The following TRAPPC8 variants were observed in gnomAD, a reference collection of about 807,000 sequenced individuals.
The protein encoded by TRAPPC8 is general sporulation gene 1 homolog.
TRAPPC8 carries 54 observed loss-of-function variants against 174.3 expected under a neutral mutation model. The observed-to-expected ratio is 0.31, with a 90% CI of 0.25 to 0.39. The LOEUF is 0.39. TRAPPC8 is among the 10% of genes least tolerant of loss of function. The pLI, the probability that TRAPPC8 is intolerant of heterozygous loss-of-function variation, is 1.00. For synonymous variants in TRAPPC8, 630 were observed against 579.9 expected, an observed-to-expected ratio of 1.09 and a Z score of -1.24; for missense variants, 1,531 against 1,699.1, an observed-to-expected ratio of 0.90 and a Z score of 1.74.
intron 2 of TRAPPC8, among the ~76,000 whole-genome samples, chr18:31,919,574 AAAT>A (rs2037292011): frequency 2.4e-5 from 3 of 123,892 alleles, no homozygotes; most frequent in Non-Finnish European, 5.2e-5. Context: ...ATAAATAAAT[AAAT>A]AAATAAATAA....
intron 24 of TRAPPC8, among the ~76,000 whole-genome samples, 172 bp from the exon 25 acceptor site, chr18:31,849,911 G>T (rs1339854197): frequency 6.6e-6 from 1 of 151,732 alleles, no homozygotes; most frequent in East Asian, 1.9e-4. Flanking sequence ...TGAATACAGG[G>T]AGGCCACTTG....
rs1487554642 is a variant in TRAPPC8, at chr18:31,933,053, G to C, written c.158-1530C>G. 2.2e-5 allele frequency among the ~76,000 whole-genome samples: 3 copies of C among 139,500 alleles called. No homozygotes were observed. In the East Asian group the frequency reaches 6.6e-4, roughly 31 times the overall value. 91.5% of individuals were successfully genotyped at this position (139,500 alleles called of 152,430 possible). On this transcript the variant is annotated intron_variant, in intron 1 of 28. Transcript: ENST00000283351. ...GCAGTGGCTCACACCTGTAATCCCA[G>C]CACTTTGGGAGGCCAAGGCGGGCAG...
At chr18:31,941,804 G>C (rs986808584) in intron 1 of TRAPPC8, among the ~76,000 whole-genome samples, 3 of 151,798 alleles carry the variant, frequency 2.0e-5, no homozygotes, top group Admixed American at 6.6e-5. Context: ...GGACTTTGTT[G>C]TTTGCAAGAT....
At chr18:31,892,688 T>C (rs1301156983) in intron 11 of TRAPPC8, among the ~76,000 whole-genome samples, 1 of 152,258 alleles carries the variant, frequency 6.6e-6, no homozygotes, top group South Asian at 2.1e-4. Context: ...TAAGAGTATA[T>C]GTGTTCCACT....
At chr18:31,900,839 TG>T in intron 10 of TRAPPC8, 85 bp downstream of exon 10, 1 of 1,017,312 alleles carries the variant, frequency 9.8e-7, no homozygotes. Flanking sequence ...TAACTTGATT[TG>T]GGAGTTTAGG....
Position 31,909,550 on chromosome 18 carries a change from AAT to A in TRAPPC8, c.865+115_865+116del, listed in dbSNP as rs567811930. 1.0e-4 allele frequency: 149 copies of A among 1,437,378 alleles called. No homozygotes were observed. The South Asian group carries it at 1.8e-3, about 17-fold the overall frequency. 89.0% of individuals were successfully genotyped at this position (1,437,378 alleles called of 1,614,324 possible). On this transcript the variant is annotated intron_variant, in intron 6 of 28. Coordinates refer to ENST00000283351, the MANE Select transcript of TRAPPC8 (RefSeq NM_014939.5). ...CTTCAGAAGAAAAACTAACCTGCCC[AAT>A]ATCTTTCTGTATTATGAAAAATTTC... is the stretch of plus-strand genomic sequence containing the variant.
intron 20 of TRAPPC8, 67 bp downstream of exon 20, chr18:31,857,473 G>A (rs759555095): frequency 4.1e-5 from 52 of 1,260,800 alleles, no homozygotes; most frequent in Non-Finnish European, 5.0e-5. Flanking sequence ...ATATCAAAAT[G>A]TTTATCTGAA....
At chr18:31,919,590 AAAATAAT>A (rs1168932065) in intron 2 of TRAPPC8, among the ~76,000 whole-genome samples, 1 of 60,310 alleles carries the variant, frequency 1.7e-5, no homozygotes, top group Admixed American at 2.6e-4. Context: ...ATAAATAAAT[AAAATAAT>A]AATAATCCTA....
chr18:31,867,411 T>C lies in TRAPPC8; in HGVS notation c.2454A>G (p.Glu818=), dbSNP rs926541307. Residue 818 remains glutamate (E), a synonymous_variant, in exon 17 of 29, where the codon GAA becomes GAG. Coordinates refer to ENST00000283351, the MANE Select transcript of TRAPPC8 (RefSeq NM_014939.5). ...ATGATAAAATAATTACCACTTTTGA[T>C]TCTTCGCCATTAATTAAGAACTCTG... ...VISEFLINGE[E]SKVARLKLFP... The C allele has an allele frequency of 1.2e-6, 2 of 1,606,474 alleles. No individual in the cohort carries two copies. Among genetic ancestry groups the C allele is most frequent in the Middle Eastern group, 1.7e-4 (1 of 6,040 alleles).
chr18:31,874,354 CA>C, intron 13 of TRAPPC8, 125 bp downstream of exon 13: 1 of 1,022,380 alleles, frequency 9.8e-7, no homozygotes, highest in Non-Finnish European at 1.4e-6. Flanking sequence ...TAGCCTGCCA[CA>C]GCTTTTTTAT....
At chr18:31,935,308 T>A (rs1411210578) in intron 1 of TRAPPC8, among the ~76,000 whole-genome samples, 1 of 137,368 alleles carries the variant, frequency 7.3e-6, no homozygotes, top group Non-Finnish European at 1.5e-5. Flanking sequence ...GCCACTGCAC[T>A]CCAGCCTGGG....
intron 12 of TRAPPC8, among the ~76,000 whole-genome samples, chr18:31,884,289 T>G (rs1465437423): frequency 6.6e-6 from 1 of 152,204 alleles, no homozygotes; most frequent in East Asian, 1.9e-4. Context: ...TAGAAGCTAT[T>G]TTATGAAATT....
At chr18:31,933,020 A>AAAAAAAAAAAAAAAAAAAAAG (rs1568153937) in intron 1 of TRAPPC8, among the ~76,000 whole-genome samples, 4 of 128,948 alleles carry the variant, frequency 3.1e-5, no homozygotes, top group African/African-American at 1.2e-4. Context: ...AAAAAAAAAA[A>AAAAAAAAAAAAAAAAAAAAAG]GCCGGGCGCA....
chr18:31,861,145 A>C (rs2034300943), intron 19 of TRAPPC8, among the ~76,000 whole-genome samples: 1 of 152,210 alleles, frequency 6.6e-6, no homozygotes, highest in African/African-American at 2.4e-5. Context: ...GAAATGGTGA[A>C]TAAATGTACA....
At chr18:31,876,683 G>A (rs548782650) in intron 12 of TRAPPC8, among the ~76,000 whole-genome samples, 7 of 152,048 alleles carry the variant, frequency 4.6e-5, no homozygotes, top group East Asian at 3.9e-4. Context: ...GGCAGGGATC[G>A]AGTGCTGAGG....
intron 1 of TRAPPC8, 49 bp downstream of exon 1, chr18:31,942,559 C>T: frequency 1.4e-6 from 2 of 1,480,836 alleles, no homozygotes; most frequent in African/African-American, 1.4e-5. Context: ...TTCCTTCTCC[C>T]GACCACGGCT....
rs2034797704 is a variant in TRAPPC8, at chr18:31,870,438, C to T, written c.2322G>A (p.Leu774=). ...TAGGATGAAACTTCCAAAGCAATGA[C>T]AAATCAGTCAACAAAAGTAGAACTT... is the stretch of plus-strand genomic sequence containing the variant. ...PLKVLLLLTD[L]SLLWKFHPKD... The change falls in exon 16 of 29, where the codon TTG becomes TTA. Residue 774 remains leucine, a synonymous_variant. Transcript: ENST00000283351. The T allele has an allele frequency of 6.2e-7, 1 of 1,612,734 alleles. No individual in the cohort carries two copies. Among genetic ancestry groups the T allele is most frequent in the Non-Finnish European group, 8.5e-7 (1 of 1,179,374 alleles).
intron 2 of TRAPPC8, among the ~76,000 whole-genome samples, chr18:31,927,856 T>TA (rs2037684529): frequency 6.6e-6 from 1 of 152,148 alleles, no homozygotes; most frequent in African/African-American, 2.4e-5. Flanking sequence ...GAGACCAGCC[T>TA]AGGCAACATA....
chr18:31,940,292 T>A (rs921095418), intron 1 of TRAPPC8, among the ~76,000 whole-genome samples: 1 of 151,696 alleles, frequency 6.6e-6, no homozygotes, highest in Non-Finnish European at 1.5e-5. Context: ...CTGGCCAACA[T>A]GGTGAAACCC....
Sources: allele counts gnomAD v4.1 joint callset (sites outside exome capture counted in the v4.1 genomes callset), GRCh38; gene constraint gnomAD v4.1.1; transcripts MANE v1.5; gene names NCBI Gene and HGNC (gene_info 2026-07-23, HGNC 2026-07-21).